The following NELL1 variants were observed in gnomAD, a reference collection of about 807,000 sequenced individuals.
NELL1 encodes protein kinase C-binding protein NELL1.
Under a neutral mutation model 107.4 loss-of-function variants are expected in NELL1, and 76 were observed. That is an observed-to-expected ratio of 0.71 (90% confidence interval 0.59 to 0.86). NELL1 has a LOEUF of 0.86. Among genes scored for constraint, NELL1 ranks in the 40% least tolerant of loss-of-function variants. The pLI, the probability that NELL1 is intolerant of heterozygous loss-of-function variation, is 0.00. For missense variants in NELL1, 1,024 were observed against 1,005.5 expected, an observed-to-expected ratio of 1.02 and a Z score of -0.25; for synonymous variants, 353 against 341.2, an observed-to-expected ratio of 1.03 and a Z score of -0.38.
chr11:21,130,961 C>T (rs1855601500), intron 13 of NELL1, among the ~76,000 whole-genome samples: 1 of 152,000 alleles, frequency 6.6e-6, no homozygotes, highest in Non-Finnish European at 1.5e-5. Context: ...CAGCTTTTTT[C>T]AGAAGACGAG....
At chr11:20,980,807 C>A (rs1235909245) in intron 12 of NELL1, among the ~76,000 whole-genome samples, 21 of 152,112 alleles carry the variant, frequency 1.4e-4, no homozygotes, top group Non-Finnish European at 1.5e-5. Context: ...AGCAGTGCAC[C>A]AAATATTTTT....
At chr11:21,460,312 T>C (rs575076289) in intron 15 of NELL1, among the ~76,000 whole-genome samples, 4 of 152,216 alleles carry the variant, frequency 2.6e-5, no homozygotes, top group African/African-American at 9.6e-5. Context: ...ATAATGACTA[T>C]CCTAAGGTGC....
At chr11:21,413,868 G>T (rs979621029) in intron 15 of NELL1, among the ~76,000 whole-genome samples, 2 of 152,048 alleles carry the variant, frequency 1.3e-5, no homozygotes, top group African/African-American at 4.8e-5. Flanking sequence ...TTCATCAGCT[G>T]TCAGGAGGCA....
chr11:21,543,034 G>A (rs1481344109), intron 16 of NELL1, among the ~76,000 whole-genome samples: 4 of 151,924 alleles, frequency 2.6e-5, no homozygotes, highest in Admixed American at 6.6e-5. Context: ...ACATGTCAGG[G>A]TGGAAAAGCA....
At chr11:21,114,008 T>C (rs529267223) in intron 13 of NELL1, among the ~76,000 whole-genome samples, 24 of 152,104 alleles carry the variant, frequency 1.6e-4, no homozygotes, top group Middle Eastern at 6.8e-3. Context: ...ATATACTAGT[T>C]CTAAAAATAG....
intron 13 of NELL1, among the ~76,000 whole-genome samples, chr11:21,151,561 C>G (rs541606167): frequency 6.6e-6 from 1 of 152,192 alleles, no homozygotes; most frequent in African/African-American, 2.4e-5. Flanking sequence ...AATTACTTCT[C>G]TTCTGTGAGC....
rs117462491 is a variant in NELL1, at chr11:21,549,737, C to T, written c.1787-10452C>T. ...GGCACCCTGAGTGGCATTAAAGATA[C>T]CAGCAGTATTAAAGATTTTAAAAAC... On this transcript the variant is annotated intron_variant, in intron 16 of 19. Coordinates refer to ENST00000357134, the MANE Select transcript of NELL1 (RefSeq NM_006157.5). Among the ~76,000 whole-genome samples the T allele has an allele frequency of 7.4e-4, 112 of 151,862 alleles. 3 individuals are homozygous for T. The East Asian group carries it at 0.015, about 20-fold the overall frequency.
intron 12 of NELL1, among the ~76,000 whole-genome samples, chr11:21,087,393 A>G (rs1854420806): frequency 1.3e-5 from 2 of 152,166 alleles, no homozygotes; most frequent in Admixed American, 6.5e-5. Flanking sequence ...AAAAGAAAAA[A>G]AAAAATATTT....
At chr11:21,205,186 T>G (rs1394789493) in intron 13 of NELL1, among the ~76,000 whole-genome samples, 2 of 152,136 alleles carry the variant, frequency 1.3e-5, no homozygotes, top group Non-Finnish European at 2.9e-5. Flanking sequence ...GGCAGGCACA[T>G]TGAAGTCTGT....
At chr11:21,148,055 T>TCCTAGTACC (rs1433602514) in intron 13 of NELL1, among the ~76,000 whole-genome samples, 1 of 152,038 alleles carries the variant, frequency 6.6e-6, no homozygotes, top group Non-Finnish European at 1.5e-5. Flanking sequence ...ATGTTAGCAT[T>TCCTAGTACC]CCTAGTACCG....
At chr11:21,542,816 C>A (rs569539216) in intron 16 of NELL1, among the ~76,000 whole-genome samples, 2 of 151,850 alleles carry the variant, frequency 1.3e-5, no homozygotes, top group Middle Eastern at 6.8e-3. Context: ...ATCACATGTT[C>A]AAGAGTTATT....
chr11:20,898,508 C>CATAT (rs200847890), intron 5 of NELL1, among the ~76,000 whole-genome samples: 74 of 150,636 alleles, frequency 4.9e-4, no homozygotes, highest in Non-Finnish European at 8.7e-4. Context: ...CAACATGGCA[C>CATAT]ATATATATAT....
intron 14 of NELL1, among the ~76,000 whole-genome samples, chr11:21,256,722 G>T (rs1362676537): frequency 7.2e-5 from 11 of 152,010 alleles, no homozygotes; most frequent in Non-Finnish European, 1.5e-4. Context: ...AACTGTGGAG[G>T]CAAGGACAAT....
intron 5 of NELL1, among the ~76,000 whole-genome samples, chr11:20,915,717 A>ATATATATATTT: frequency 3.4e-5 from 2 of 58,222 alleles, no homozygotes; most frequent in Admixed American, 4.2e-4. Context: ...ATATATATAT[A>ATATATATATTT]TTTTTTTTTT....
chr11:20,932,524 A>G (rs1176600917), intron 9 of NELL1, among the ~76,000 whole-genome samples: 3 of 152,222 alleles, frequency 2.0e-5, no homozygotes, highest in Non-Finnish European at 4.4e-5. Context: ...TCCTTCTGCC[A>G]AACACTTTGT....
intron 2 of NELL1, among the ~76,000 whole-genome samples, chr11:20,730,922 T>A (rs1366147372): frequency 6.6e-6 from 1 of 152,186 alleles, no homozygotes; most frequent in Non-Finnish European, 1.5e-5. Flanking sequence ...AGCAGCCAGA[T>A]CTGGATATGT....
At chr11:21,516,512 A>G (rs892068096) in intron 15 of NELL1, among the ~76,000 whole-genome samples, 1 of 152,120 alleles carries the variant, frequency 6.6e-6, no homozygotes, top group African/African-American at 2.4e-5. Flanking sequence ...ACAAATCTAG[A>G]TGGTCTACCC....
At chr11:20,967,942 C>T (rs1190574048) in intron 12 of NELL1, among the ~76,000 whole-genome samples, 6 of 152,152 alleles carry the variant, frequency 3.9e-5, no homozygotes, top group Non-Finnish European at 8.8e-5. Context: ...CTTTTCCCAT[C>T]ACACTGGAAT....
chr11:20,824,309 TAC>T (rs1857825465), intron 3 of NELL1, among the ~76,000 whole-genome samples: 1 of 151,306 alleles, frequency 6.6e-6, no homozygotes, highest in African/African-American at 2.4e-5. Context: ...CTTTATAAAT[TAC>T]ACAGTCTCAA....
Sources: gnomAD v4.1 joint callset for allele counts (sites outside exome capture counted in the v4.1 genomes callset) on GRCh38, gnomAD v4.1.1 for gene constraint, MANE v1.5 for transcripts, NCBI Gene and HGNC (gene_info 2026-07-23, HGNC 2026-07-21) for gene names.